The following GMPR variants were observed in gnomAD, a reference collection of about 807,000 sequenced individuals.
GMPR encodes guanosine monophosphate reductase.
A neutral mutation model predicts 38.4 loss-of-function variants in GMPR; 31 were observed. That is an observed-to-expected ratio of 0.81 (90% CI 0.61 to 1.09). The LOEUF (loss-of-function observed/expected upper bound fraction) is 1.09. GMPR is among the 50% of genes least tolerant of loss of function. GMPR has a pLI of 0.00. For missense variants in GMPR, 468 were observed against 453.7 expected (o/e 1.03, Z -0.29); for synonymous variants, 162 against 173.3 (o/e 0.93, Z 0.51).
At chr6:16,260,369 T>C (rs1222220183) in intron 4 of GMPR, among the ~76,000 whole-genome samples, 2 of 152,004 alleles carry the variant, frequency 1.3e-5, no homozygotes, top group Non-Finnish European at 2.9e-5. Context: ...GAATTATTTC[T>C]GACAGAAGGG....
chr6:16,289,772 C>T (rs9477079), intron 7 of GMPR, among the ~76,000 whole-genome samples: 6,955 of 148,982 alleles, frequency 0.047, 497 homozygotes, highest in African/African-American at 0.16. Flanking sequence ...ACAGACCAGA[C>T]ACCTGAGGGG....
chr6:16,266,776 G>A (rs138795427), intron 4 of GMPR, among the ~76,000 whole-genome samples: 1,688 of 151,592 alleles, frequency 0.011, 25 homozygotes, highest in South Asian at 0.018. Context: ...AGGTGAGAGC[G>A]AGACTCCGTC....
chr6:16,287,119 T>G (rs1759700553), intron 7 of GMPR, among the ~76,000 whole-genome samples: 1 of 152,046 alleles, frequency 6.6e-6, no homozygotes, highest in South Asian at 2.1e-4. Flanking sequence ...TATTTTATAG[T>G]TGAGGGGACT....
At chr6:16,261,784 G>A (rs185891214) in intron 4 of GMPR, among the ~76,000 whole-genome samples, 82 of 152,072 alleles carry the variant, frequency 5.4e-4, no homozygotes, top group African/African-American at 1.6e-3. Flanking sequence ...GAGATGGTAA[G>A]GGGTGCATGA....
intron 8 of GMPR, among the ~76,000 whole-genome samples, chr6:16,291,876 G>T (rs960570241): frequency 6.7e-6 from 1 of 149,898 alleles, no homozygotes; most frequent in African/African-American, 2.5e-5. Flanking sequence ...GTGCCACTGT[G>T]CTCCAGCCTG....
At chr6:16,291,546 T>C (rs535163389) in intron 8 of GMPR, among the ~76,000 whole-genome samples, 1 of 152,244 alleles carries the variant, frequency 6.6e-6, no homozygotes, top group South Asian at 2.1e-4. Context: ...TTTTAATCCA[T>C]GGTCTCCAAA....
At chr6:16,282,768 T>C (rs1759597988) in intron 6 of GMPR, among the ~76,000 whole-genome samples, 1 of 152,214 alleles carries the variant, frequency 6.6e-6, no homozygotes, top group African/African-American at 2.4e-5. Context: ...CTTTTTGTTT[T>C]TTCATTGTCA....
At chr6:16,261,960 C>A (rs1040874648) in intron 4 of GMPR, among the ~76,000 whole-genome samples, 1 of 151,654 alleles carries the variant, frequency 6.6e-6, no homozygotes, top group African/African-American at 2.4e-5. Context: ...TAAAGTGTCT[C>A]GGCCTAATAA....
At chr6:16,276,601 C>G (rs1272991520) in intron 5 of GMPR, among the ~76,000 whole-genome samples, 8 of 152,214 alleles carry the variant, frequency 5.3e-5, no homozygotes, top group Admixed American at 5.2e-4. Context: ...CTCCCCACCC[C>G]TCTGGCTGTC....
At position 16,266,017 on chromosome 6, in the gene GMPR, G is replaced by A. The variant is rs535947482; in HGVS notation, c.466-8398G>A. On this transcript the variant is annotated intron_variant, in intron 4 of 8. Transcript: ENST00000259727. ...GCTGTAACACTCACCGTGAAGGTCT[G>A]TGGCTTCACTGCTGAAGTCAGTGAG... Among the ~76,000 whole-genome samples, 10 of 152,048 alleles carry A rather than the reference G, an allele frequency of 6.6e-5. No homozygotes were observed. The East Asian group carries it at 2.0e-3, about 30-fold the overall frequency.
intron 4 of GMPR, among the ~76,000 whole-genome samples, chr6:16,257,282 T>C (rs1405559034): frequency 6.6e-6 from 1 of 152,186 alleles, no homozygotes; most frequent in African/African-American, 2.4e-5. Flanking sequence ...CTCTGGACTC[T>C]TCCAGACCTC....
intron 5 of GMPR, among the ~76,000 whole-genome samples, chr6:16,276,037 T>C (rs1475391097): frequency 1.3e-5 from 2 of 151,544 alleles, no homozygotes; most frequent in Non-Finnish European, 2.9e-5. Context: ...ACTACTGCAC[T>C]CCAGTCTTGG....
intron 6 of GMPR, among the ~76,000 whole-genome samples, chr6:16,283,210 T>C (rs1759608531): frequency 6.6e-6 from 1 of 152,142 alleles, no homozygotes; most frequent in South Asian, 2.1e-4. Context: ...GTTAACTCTT[T>C]TGGAAAAACA....
chr6:16,267,459 C>T (rs1017409349), intron 4 of GMPR, among the ~76,000 whole-genome samples: 4 of 152,038 alleles, frequency 2.6e-5, no homozygotes, highest in Non-Finnish European at 5.9e-5. Flanking sequence ...GAGGAATGAA[C>T]AACTCCGGAC....
intron 4 of GMPR, among the ~76,000 whole-genome samples, chr6:16,266,014 T>C (rs1759200591): frequency 6.6e-6 from 1 of 151,562 alleles, no homozygotes; most frequent in African/African-American, 2.4e-5. Context: ...ACCGTGAAGG[T>C]CTGTGGCTTC....
chr6:16,275,947 G>A (rs1487969719), intron 5 of GMPR, among the ~76,000 whole-genome samples: 1 of 152,044 alleles, frequency 6.6e-6, no homozygotes, highest in African/African-American at 2.4e-5. Context: ...GTATGCACCT[G>A]TAGTCTCAGC....
At chr6:16,266,217 A>ATGAAGAACGC (rs1759216778) in intron 4 of GMPR, among the ~76,000 whole-genome samples, 1 of 150,986 alleles carries the variant, frequency 6.6e-6, no homozygotes, top group Non-Finnish European at 1.5e-5. Context: ...GCTGCGAAGA[A>ATGAAGAACGC]TGAAGAACGC....
chr6:16,254,216 C>G (rs941212673), intron 3 of GMPR, among the ~76,000 whole-genome samples: 1 of 152,152 alleles, frequency 6.6e-6, no homozygotes, highest in Non-Finnish European at 1.5e-5. Flanking sequence ...CAGGCATGAG[C>G]CACCACACTT....
intron 4 of GMPR, among the ~76,000 whole-genome samples, chr6:16,264,757 C>T (rs1399670200): frequency 6.6e-6 from 1 of 152,114 alleles, no homozygotes; most frequent in Non-Finnish European, 1.5e-5. Context: ...ACAATGTCAT[C>T]AGTTAAGGCA....
Sources: gnomAD v4.1 joint callset for allele counts (sites outside exome capture counted in the v4.1 genomes callset) on GRCh38, gnomAD v4.1.1 for gene constraint, MANE v1.5 for transcripts, NCBI Gene and HGNC (gene_info 2026-07-23, HGNC 2026-07-21) for gene names.